The following MRPL1 variants were observed in gnomAD, a reference collection of about 807,000 sequenced individuals.
MRPL1 encodes the protein mitochondrial ribosomal protein L1.
MRPL1 carries 28 observed loss-of-function variants against 38.0 expected under a neutral mutation model. The ratio of observed to expected loss-of-function variants is 0.74; its 90% CI spans 0.55 to 1.01. MRPL1 has a LOEUF of 1.01. Among genes scored for constraint, MRPL1 ranks in the 50% least tolerant of loss-of-function variants. The pLI is 0.00. For synonymous variants in MRPL1, 123 were observed against 126.7 expected (o/e 0.97, Z 0.20); for missense variants, 358 against 389.8 (o/e 0.92, Z 0.69).
intron 5 of MRPL1, among the ~76,000 whole-genome samples, chr4:77,891,309 G>A (rs1310589720): frequency 6.7e-6 from 1 of 148,492 alleles, no homozygotes; most frequent in Non-Finnish European, 1.5e-5. Context: ...AAGTTACCTT[G>A]TAGAACTGTC....
chr4:77,885,060 ATC>A (rs1735642453), intron 3 of MRPL1, among the ~76,000 whole-genome samples, 194 bp from the exon 4 acceptor site: 2 of 152,196 alleles, frequency 1.3e-5, no homozygotes, highest in East Asian at 3.9e-4. Flanking sequence ...AAAAAAAATA[ATC>A]TGTTGTGCTT....
chr4:77,902,374 G>A (rs1736054648), intron 6 of MRPL1, among the ~76,000 whole-genome samples: 1 of 130,088 alleles, frequency 7.7e-6, no homozygotes. Context: ...AACATAGTGA[G>A]ACCGGCTTTC....
intron 7 of MRPL1, among the ~76,000 whole-genome samples, chr4:77,921,770 G>T (rs1736586076): frequency 6.9e-6 from 1 of 145,854 alleles, no homozygotes; most frequent in African/African-American, 2.6e-5. Context: ...CTTTCGTGCA[G>T]AGTTTTTTTT....
At chr4:77,863,277 T>A (rs1170754983) in intron 1 of MRPL1, among the ~76,000 whole-genome samples, 2 of 152,072 alleles carry the variant, frequency 1.3e-5, no homozygotes, top group Admixed American at 1.3e-4. Context: ...CAAAGTGCTT[T>A]TTGGTGCTTT....
intron 7 of MRPL1, among the ~76,000 whole-genome samples, chr4:77,949,074 A>C (rs1418029668): frequency 6.6e-6 from 1 of 152,174 alleles, no homozygotes; most frequent in East Asian, 1.9e-4. Flanking sequence ...CCCAGCCGTG[A>C]ACTTTTAAAA....
At chr4:77,895,159 T>A (rs1735884199) in intron 6 of MRPL1, among the ~76,000 whole-genome samples, 1 of 152,044 alleles carries the variant, frequency 6.6e-6, no homozygotes, top group Non-Finnish European at 1.5e-5. Context: ...GAGATGGGAG[T>A]GACATAATCT....
At chr4:77,932,120 C>T (rs1258533428) in intron 7 of MRPL1, among the ~76,000 whole-genome samples, 1 of 152,200 alleles carries the variant, frequency 6.6e-6, no homozygotes, top group African/African-American at 2.4e-5. Flanking sequence ...CATATTCAGC[C>T]TGCTCAAGAA....
At chr4:77,888,409 GC>G (rs1480886541) in intron 5 of MRPL1, among the ~76,000 whole-genome samples, 1 of 152,108 alleles carries the variant, frequency 6.6e-6, no homozygotes, top group Non-Finnish European at 1.5e-5. Flanking sequence ...GGAGGCTGAG[GC>G]ACAAGAATCT....
intron 6 of MRPL1, among the ~76,000 whole-genome samples, chr4:77,905,458 C>G (rs906933260): frequency 2.4e-5 from 3 of 126,694 alleles, no homozygotes; most frequent in African/African-American, 9.3e-5. Context: ...GATCGCACCA[C>G]TGTACTCCAG....
intron 5 of MRPL1, among the ~76,000 whole-genome samples, chr4:77,891,051 AT>A (rs1735794056): frequency 3.3e-5 from 5 of 152,158 alleles, no homozygotes; most frequent in Admixed American, 3.3e-4. Context: ...CTTCAGAATG[AT>A]TTTTGGTTGC....
chr4:77,878,168 G>C (rs1735446624), intron 2 of MRPL1, among the ~76,000 whole-genome samples: 1 of 152,178 alleles, frequency 6.6e-6, no homozygotes, highest in African/African-American at 2.4e-5. Flanking sequence ...TTGGATTTCA[G>C]GTTATTTGCG....
rs775533911 is a variant in MRPL1 at position 77,883,486 on chromosome 4, G to A, written c.388G>A (p.Ala130Thr). Reference protein sequence around the residue: ...SVYLDLTLDMALGKKKNVEPF... With the variant: ...SVYLDLTLDMTLGKKKNVEPF... ...TTATCTTGATTTGACACTGGATATG[G>A]CACTGGGAAAGAAGGTATGTAGAGT... is the stretch of plus-strand genomic sequence containing the variant. The change falls in exon 3 of 9, where the codon GCA becomes ACA. Residue 130 changes from alanine to threonine, a missense_variant. Transcript: ENST00000315567. The A allele has an allele frequency of 1.9e-6, 3 of 1,612,570 alleles. No individual in the cohort carries two copies. In the East Asian group the frequency reaches 6.7e-5, roughly 36 times the overall value.
chr4:77,889,871 A>G (rs988371012), intron 5 of MRPL1, among the ~76,000 whole-genome samples: 7 of 152,246 alleles, frequency 4.6e-5, no homozygotes, highest in Non-Finnish European at 7.3e-5. Flanking sequence ...AATAAACTAG[A>G]AAATCTAGAA....
At chr4:77,922,418 G>C (rs1414369947) in intron 7 of MRPL1, among the ~76,000 whole-genome samples, 1 of 152,170 alleles carries the variant, frequency 6.6e-6, no homozygotes, top group Non-Finnish European at 1.5e-5. Context: ...CTGTCTTTTA[G>C]TTAGAGTGAG....
intron 6 of MRPL1, among the ~76,000 whole-genome samples, chr4:77,899,694 A>G (rs946663689): frequency 6.6e-6 from 1 of 152,214 alleles, no homozygotes; most frequent in African/African-American, 2.4e-5. Context: ...AAGGTATTTT[A>G]GGAGGAAATA....
chr4:77,894,931 T>G (rs1278431885), intron 6 of MRPL1, among the ~76,000 whole-genome samples: 1 of 152,078 alleles, frequency 6.6e-6, no homozygotes, highest in Admixed American at 6.6e-5. Flanking sequence ...GTATTAATCA[T>G]AGACACCAAA....
chr4:77,933,162 C>A (rs1736886060), intron 7 of MRPL1, among the ~76,000 whole-genome samples: 1 of 152,076 alleles, frequency 6.6e-6, no homozygotes, highest in Admixed American at 6.6e-5. Context: ...CTCAGGCTGG[C>A]CTCGAACTCC....
At chr4:77,898,649 C>T (rs1454535385) in intron 6 of MRPL1, among the ~76,000 whole-genome samples, 2 of 151,894 alleles carry the variant, frequency 1.3e-5, no homozygotes, top group African/African-American at 4.8e-5. Context: ...CGCCACCATG[C>T]CCAGGTAATT....
intron 6 of MRPL1, among the ~76,000 whole-genome samples, chr4:77,897,737 T>G (rs1328094764): frequency 1.3e-5 from 2 of 152,252 alleles, no homozygotes; most frequent in Admixed American, 1.3e-4. Flanking sequence ...ACTCATAGAA[T>G]AGTACCTTGT....
Sources: allele counts gnomAD v4.1 joint callset (sites outside exome capture counted in the v4.1 genomes callset), GRCh38; gene constraint gnomAD v4.1.1; transcripts MANE v1.5; gene names NCBI Gene and HGNC (gene_info 2026-07-23, HGNC 2026-07-21).